Variants in PRKCE observed in about 807,000 individuals in gnomAD.
PRKCE encodes the protein protein kinase C epsilon type.
PRKCE carries 16 observed loss-of-function variants against 85.4 expected under a neutral mutation model. The observed-to-expected ratio is 0.19, with a 90% CI of 0.13 to 0.28. The LOEUF (loss-of-function observed/expected upper bound fraction) is 0.28. Among genes scored for constraint, PRKCE ranks in the 10% least tolerant of loss-of-function variants. The pLI is 1.00. For missense variants in PRKCE, 573 were observed against 975.2 expected, an observed-to-expected ratio of 0.59 and a Z score of 5.49; for synonymous variants, 388 against 371.5, an observed-to-expected ratio of 1.04 and a Z score of -0.51.
intron 5 of PRKCE, among the ~76,000 whole-genome samples, chr2:45,981,961 C>G (rs1302224326): frequency 2.6e-5 from 4 of 152,220 alleles, no homozygotes; most frequent in African/African-American, 9.6e-5. Flanking sequence ...ATGTTCAGAA[C>G]CCAGCTTGAT....
intron 1 of PRKCE, among the ~76,000 whole-genome samples, chr2:45,687,877 C>T (rs888084306): frequency 1.3e-5 from 2 of 152,190 alleles, no homozygotes; most frequent in African/African-American, 4.8e-5. Flanking sequence ...ATTAGGTTCT[C>T]GCTTGCTTTT....
chr2:45,771,348 T>C (rs1685311167), intron 1 of PRKCE, among the ~76,000 whole-genome samples: 1 of 152,202 alleles, frequency 6.6e-6, no homozygotes, highest in Admixed American at 6.5e-5. Flanking sequence ...TGGCAGATGC[T>C]GTGAGCAGCC....
intron 2 of PRKCE, among the ~76,000 whole-genome samples, chr2:45,930,676 C>G (rs867201407): frequency 6.6e-6 from 1 of 152,252 alleles, no homozygotes; most frequent in South Asian, 2.1e-4. Context: ...TGATTTATTG[C>G]ACCTAGAATC....
At chr2:46,162,940 TG>T (rs1677926036) in intron 14 of PRKCE, among the ~76,000 whole-genome samples, 1 of 152,106 alleles carries the variant, frequency 6.6e-6, no homozygotes, top group Non-Finnish European at 1.5e-5. Context: ...CGTGGGCTTG[TG>T]TAGAAAAAGC....
intron 2 of PRKCE, among the ~76,000 whole-genome samples, chr2:45,929,804 A>G (rs1355797733): frequency 6.8e-6 from 1 of 147,230 alleles, no homozygotes; most frequent in Non-Finnish European, 1.5e-5. Context: ...TCCTGTACCT[A>G]TGATATGCTC....
Position 45,949,115 on chromosome 2 carries a change from A to T in PRKCE, c.413-27314A>T, listed in dbSNP as rs191164534. On this transcript the variant is annotated intron_variant, in intron 2 of 14. Coordinates refer to ENST00000306156, the MANE Select transcript of PRKCE (RefSeq NM_005400.3). ...AAGTGTGCAAATCTCTCTAAGATAT[A>T]TACATGTATACTGAGGAAGGACCTG... Among the ~76,000 whole-genome samples the T allele has an allele frequency of 2.0e-5, 3 of 152,342 alleles. 1 individual carries two copies. The highest frequency in any genetic ancestry group is 7.2e-5 in the African/African-American group (3 of 41,586).
intron 1 of PRKCE, among the ~76,000 whole-genome samples, chr2:45,655,606 G>A (rs1327125512): frequency 2.0e-5 from 3 of 152,042 alleles, no homozygotes; most frequent in African/African-American, 4.8e-5. Context: ...TGGGAGGACC[G>A]TTTGAGTCCA....
chr2:45,885,730 T>C (rs1232790178), intron 2 of PRKCE, among the ~76,000 whole-genome samples: 4 of 152,208 alleles, frequency 2.6e-5, no homozygotes, highest in Non-Finnish European at 5.9e-5. Context: ...TTAGGGCAAC[T>C]CCTATGATTT....
At chr2:45,923,471 T>C (rs954825918) in intron 2 of PRKCE, among the ~76,000 whole-genome samples, 7 of 152,198 alleles carry the variant, frequency 4.6e-5, no homozygotes, top group Admixed American at 6.5e-5. Context: ...ATAGTATGTA[T>C]GACTTTGGCC....
rs1164561717 is a variant in PRKCE, at chr2:46,076,987, C to G, written c.1438-9221C>G. Among the ~76,000 whole-genome samples, 5 of 152,162 alleles carry G rather than the reference C, an allele frequency of 3.3e-5. No individual in the cohort carries two copies. In the East Asian group the frequency reaches 9.7e-4, roughly 29 times the overall value. ...AGAATAGGTTGGTGGTTTCCAGAGG[C>G]TGGTGGAGGGGGAATCGGGGAGGTG... On this transcript the variant is annotated intron_variant, in intron 10 of 14. Coordinates refer to ENST00000306156, the MANE Select transcript of PRKCE (RefSeq NM_005400.3).
At chr2:45,838,687 A>T (rs1691096895) in intron 1 of PRKCE, among the ~76,000 whole-genome samples, 1 of 152,130 alleles carries the variant, frequency 6.6e-6, no homozygotes, top group African/African-American at 2.4e-5. Context: ...GCAGTGGCGC[A>T]TTGCAGCCTG....
At chr2:46,148,970 G>A (rs1041731641) in intron 12 of PRKCE, among the ~76,000 whole-genome samples, 1 of 152,206 alleles carries the variant, frequency 6.6e-6, no homozygotes, top group Admixed American at 6.5e-5. Context: ...TAGACCAAAG[G>A]TATTAGCTAA....
At chr2:46,000,457 TAAA>T (rs58175194) in intron 6 of PRKCE, among the ~76,000 whole-genome samples, 27,154 of 148,742 alleles carry the variant, frequency 0.18, 2,771 homozygotes, top group African/African-American at 0.27. Flanking sequence ...CAATCTCTGA[TAAA>T]AAAAAAAAAC....
At chr2:45,878,256 A>C (rs547887891) in intron 2 of PRKCE, among the ~76,000 whole-genome samples, 1 of 152,264 alleles carries the variant, frequency 6.6e-6, no homozygotes, top group African/African-American at 2.4e-5. Context: ...TTGTGCTTGG[A>C]AATCTTATCT....
chr2:45,758,289 T>C (rs1032542593), intron 1 of PRKCE, among the ~76,000 whole-genome samples: 1 of 152,242 alleles, frequency 6.6e-6, no homozygotes, highest in African/African-American at 2.4e-5. Flanking sequence ...AATTACTGCA[T>C]GAAAAGTATT....
chr2:45,662,558 A>C (rs571096681), intron 1 of PRKCE, among the ~76,000 whole-genome samples: 17 of 152,216 alleles, frequency 1.1e-4, no homozygotes, highest in South Asian at 2.1e-4. Context: ...CCTGTTAACA[A>C]TGATCCTGAC....
chr2:45,903,888 T>TTTGTTG lies in PRKCE; in HGVS notation c.412+60830_412+60831insGTTGTT, dbSNP rs60484206. 9.2e-3 allele frequency among the ~76,000 whole-genome samples: 600 copies of TTTGTTG among 65,070 alleles called. 25 individuals are homozygous for TTTGTTG. Among genetic ancestry groups the TTTGTTG allele is most frequent in the African/African-American group, 0.04 (538 of 13,498 alleles). The allele number at this position is 65,070 out of a possible 152,430, so 42.7% of individuals were successfully genotyped here. On this transcript the variant is annotated intron_variant, in intron 2 of 14. Transcript: ENST00000306156. ...AGAGCTTGTAGCCTGGCAGTTTTTT[T>TTTGTTG]TTGTTTGTTTGTTTGTTTGTTTGTT...
At chr2:45,987,487 T>C (rs1420425423) in intron 6 of PRKCE, among the ~76,000 whole-genome samples, 2 of 152,180 alleles carry the variant, frequency 1.3e-5, no homozygotes, top group African/African-American at 4.8e-5. Context: ...TCTTCCTCTC[T>C]CTTTAATTAA....
At chr2:45,820,724 T>A (rs930996084) in intron 1 of PRKCE, among the ~76,000 whole-genome samples, 1 of 152,194 alleles carries the variant, frequency 6.6e-6, no homozygotes, top group African/African-American at 2.4e-5. Context: ...TGTCTTCATT[T>A]GTTGTTCTCG....
Sources: gnomAD v4.1 joint callset for allele counts (sites outside exome capture counted in the v4.1 genomes callset) on GRCh38, gnomAD v4.1.1 for gene constraint, MANE v1.5 for transcripts, NCBI Gene and HGNC (gene_info 2026-07-23, HGNC 2026-07-21) for gene names.